CACNA1G: variants seen among roughly 807,000 people sequenced by gnomAD.
The protein encoded by CACNA1G is calcium voltage-gated channel subunit alpha1 G.
Under a neutral mutation model 219.4 loss-of-function variants are expected in CACNA1G, and 67 were observed. The ratio of observed to expected loss-of-function variants is 0.31; its 90% confidence interval spans 0.25 to 0.37. The LOEUF (loss-of-function observed/expected upper bound fraction) is 0.37, where lower values mean the gene tolerates loss of function less well. Ranked by LOEUF, CACNA1G falls within the 10% of genes least tolerant of loss-of-function variation. The pLI, the probability that CACNA1G is intolerant of heterozygous loss-of-function variation, is 1.00. For missense variants in CACNA1G, 2,380 were observed against 3,231.4 expected (o/e 0.74, Z 6.39); for synonymous variants, 1,296 against 1,345.3 (o/e 0.96, Z 0.80).
Position 50,561,513 on chromosome 17 carries a change from C to T in CACNA1G, c.54C>T (p.Ser18=). The T allele has an allele frequency of 6.5e-7, 1 of 1,536,818 alleles. No individual in the cohort carries two copies. The highest frequency in any genetic ancestry group is 8.7e-7 in the Non-Finnish European group (1 of 1,146,518). The part of the protein sequence containing the change: ...AGAEESGQPR[S]FMRLNDLSGA... ...CCGAGGAGTCGGGACAGCCCCGGAG[C>T]TTCATGCGGCTCAACGACCTGTCGG... Residue 18 remains serine, a synonymous_variant, in exon 1 of 38, where the codon AGC becomes AGT. Coordinates refer to ENST00000359106, the MANE Select transcript of CACNA1G (RefSeq NM_018896.5).
intron 8 of CACNA1G, among the ~76,000 whole-genome samples, chr17:50,577,500 T>C (rs2040957278): frequency 6.6e-6 from 1 of 150,552 alleles, no homozygotes; most frequent in Non-Finnish European, 1.5e-5. Context: ...AGTGTGTGTG[T>C]GTGCGTGTGT....
chr17:50,593,504 A>G (rs2044814118), intron 13 of CACNA1G, among the ~76,000 whole-genome samples: 1 of 152,230 alleles, frequency 6.6e-6, no homozygotes, highest in Non-Finnish European at 1.5e-5. Flanking sequence ...CCCTTTCAGC[A>G]AACACCTTGT....
rs957730304 is a variant in CACNA1G at position 50,571,168 on chromosome 17, T to A, written c.587-710T>A. Among the ~76,000 whole-genome samples the A allele has an allele frequency of 1.3e-5, 2 of 152,198 alleles. No homozygotes were observed. Among genetic ancestry groups the A allele is most frequent in the African/African-American group, 4.8e-5 (2 of 41,444 alleles). ...TTGATGGACTTCTGAGAAGACAGTA[T>A]TGTATCTCTTCAGGTCCTGATTTGG... On this transcript the variant is annotated intron_variant, in intron 4 of 37. Transcript: ENST00000359106. This position sits in a 1 kb window ranked among gnomAD's most constrained non-coding sequence, Gnocchi z 4.3.
intron 19 of CACNA1G, among the ~76,000 whole-genome samples, chr17:50,601,930 G>A (rs1240370684): frequency 6.6e-6 from 1 of 152,158 alleles, no homozygotes; most frequent in African/African-American, 2.4e-5. Flanking sequence ...TTTCAGCGCT[G>A]CTGGGGCTTC....
At chr17:50,611,574 G>C (rs1004549939) in intron 26 of CACNA1G, among the ~76,000 whole-genome samples, 1 of 152,234 alleles carries the variant, frequency 6.6e-6, no homozygotes, top group African/African-American at 2.4e-5. Flanking sequence ...TGGCTGGTTT[G>C]TGTCTGGATT....
chr17:50,578,270 C>T lies in CACNA1G; in HGVS notation c.2007C>T (p.Tyr669=), dbSNP rs965298813. The change falls in exon 9 of 38, where the codon TAC becomes TAT. Residue 669 remains tyrosine (Y), a synonymous_variant. Coordinates refer to ENST00000359106, the MANE Select transcript of CACNA1G (RefSeq NM_018896.5). This position sits in a 1 kb window ranked among gnomAD's most constrained non-coding sequence, Gnocchi z 4.5. ...SGACGPDSCP[Y]CARAGAGEVE... Reference sequence around the variant, plus strand: ...CCTGTGGTCCAGACAGCTGCCCCTACTGTGCCCGGGCCGGGGCAGGGGAGG... The same window carrying T: ...CCTGTGGTCCAGACAGCTGCCCCTATTGTGCCCGGGCCGGGGCAGGGGAGG... 1 of 1,612,918 alleles carries T rather than the reference C, an allele frequency of 6.2e-7. No homozygotes were observed. The highest frequency in any genetic ancestry group is 8.5e-7 in the Non-Finnish European group (1 of 1,179,732).
intron 10 of CACNA1G, among the ~76,000 whole-genome samples, chr17:50,591,071 G>A (rs903776432): frequency 2.0e-5 from 3 of 152,206 alleles, no homozygotes; most frequent in Non-Finnish European, 2.9e-5. Flanking sequence ...CTCCGTCCCC[G>A]CAAGGCCTGG....
rs577623916 is a variant in CACNA1G at position 50,596,635 on chromosome 17, A to C, written c.3053A>C (p.Lys1018Thr). ...PSLDGDGDRK[K>T]CLALVSLGEH... is the part of the protein sequence containing the mutation. ...CTGGATGGTGATGGGGACAGGAAGA[A>C]GTGCTTGGCCTGTGAGTACCTATCC... Residue 1018 changes from lysine (K) to threonine (T), a missense_variant, in exon 15 of 38, where the codon AAG becomes ACG. Physicochemically the swap from Lys to Thr is moderately conservative, Grantham distance 78 (BLOSUM62 -1). This residue lies in a region of CACNA1G where 418 missense variants were observed against 434.3 expected (regional missense o/e 0.96). Coordinates refer to ENST00000359106, the MANE Select transcript of CACNA1G (RefSeq NM_018896.5). The surrounding 1 kb of genome is among the most constrained non-coding windows in gnomAD (Gnocchi z 4.8). The C allele has an allele frequency of 2.0e-5, 33 of 1,613,822 alleles. No individual in the cohort carries two copies. The highest frequency in any genetic ancestry group is 2.6e-5 in the Non-Finnish European group (31 of 1,179,852).
intron 23 of CACNA1G, chr17:50,606,326 G>T: frequency 1.5e-6 from 1 of 654,472 alleles, no homozygotes; most frequent in Non-Finnish European, 2.8e-6. Context: ...ACGTGGCAGT[G>T]GGGGCAGGCA....
At chr17:50,569,582 G>T in intron 3 of CACNA1G, 124 bp from the exon 4 acceptor site, 1 of 727,224 alleles carries the variant, frequency 1.4e-6, no homozygotes, top group Non-Finnish European at 2.3e-6. Flanking sequence ...AGGGTCCCTT[G>T]GTGAAGAAGA....
rs376070054 is a variant in CACNA1G, at chr17:50,619,728, C to T, written c.5827C>T (p.Leu1943=). ...DTISLLIQGS[L]EWELKLMDEL... ...CATATCCCTGCTGATCCAGGGCTCC[C>T]TGGAGTGGGAGCTGAAGCTGATGGA... Residue 1943 remains leucine, a synonymous_variant, in exon 34 of 38, where the codon CTG becomes TTG. Transcript: ENST00000359106. 1 of 1,610,694 alleles carries T rather than the reference C, an allele frequency of 6.2e-7. No homozygotes were observed.
In CACNA1G at chr17:50,621,610, G is replaced by A. The variant is rs377067159; in HGVS notation, c.5926-50G>A. 53 of 1,601,602 alleles carry A rather than the reference G, an allele frequency of 3.3e-5. No homozygotes were observed. The highest frequency in any genetic ancestry group is 1.1e-4 in the East Asian group (5 of 44,626). On this transcript the variant is annotated intron_variant, in intron 34 of 37. Transcript: ENST00000359106. The surrounding 1 kb of genome is among the most constrained non-coding windows in gnomAD (Gnocchi z 4.6). Reference sequence around the variant, plus strand: ...AGCGCGTGTGTGCGTGTGCACGCGCGTGTGCGCTGTCCTGGTTTCTCATGC... The same window carrying A: ...AGCGCGTGTGTGCGTGTGCACGCGCATGTGCGCTGTCCTGGTTTCTCATGC...
In CACNA1G at chr17:50,626,530, A is replaced by C. The variant is rs778995997; in HGVS notation, c.6913A>C (p.Lys2305Gln). ...GGGGCCTGGGAGCCGGCCCAAGAAA[A>C]AACTCAGCCCGCCTAGTATCACCAT... is the stretch of plus-strand genomic sequence containing the variant. The part of the protein sequence containing the change: ...LGGPGSRPKK[K>Q]LSPPSITIDP... The change falls in exon 38 of 38, where the codon AAA (lysine) becomes CAA (glutamine). Residue 2305 changes from lysine to glutamine, a missense_variant. Lys to Gln is a moderately conservative substitution (Grantham distance 53, BLOSUM62 1). This residue lies in a region of CACNA1G where 672 missense variants were observed against 670.5 expected (regional missense o/e 1.00). Transcript: ENST00000359106. This position sits in a 1 kb window ranked among gnomAD's most constrained non-coding sequence, Gnocchi z 4.3. 6 of 1,573,576 alleles carry C rather than the reference A, an allele frequency of 3.8e-6. No homozygotes were observed. Among genetic ancestry groups the C allele is most frequent in the Non-Finnish European group, 4.3e-6 (5 of 1,161,748 alleles).
At chr17:50,575,417 T>C (rs1274332974) in intron 7 of CACNA1G, 126 bp from the exon 8 acceptor site, 2 of 981,994 alleles carry the variant, frequency 2.0e-6, no homozygotes, top group Non-Finnish European at 3.0e-6. Context: ...AAAAATAAAA[T>C]GAGATAATGC....
At chr17:50,625,434 T>C (rs1310922081) in intron 37 of CACNA1G, among the ~76,000 whole-genome samples, 1 of 152,218 alleles carries the variant, frequency 6.6e-6, no homozygotes, top group African/African-American at 2.4e-5. Flanking sequence ...CCCTGCCCCC[T>C]GAAGCTCACA....
chr17:50,593,764 T>C (rs888986110), intron 13 of CACNA1G, among the ~76,000 whole-genome samples: 5 of 151,922 alleles, frequency 3.3e-5, no homozygotes, highest in African/African-American at 9.7e-5. Flanking sequence ...AGGCCTGGGG[T>C]GGGATGGAGA....
intron 1 of CACNA1G, among the ~76,000 whole-genome samples, chr17:50,566,057 A>C (rs917424381): frequency 6.6e-6 from 1 of 152,056 alleles, no homozygotes; most frequent in Non-Finnish European, 1.5e-5. Flanking sequence ...TACCATGGGG[A>C]TCTGTCACAT....
At chr17:50,589,908 C>CTGTGTG (rs2043876777) in intron 9 of CACNA1G, among the ~76,000 whole-genome samples, 1 of 148,100 alleles carries the variant, frequency 6.8e-6, no homozygotes. Context: ...CTCTCTCTCT[C>CTGTGTG]TCTCTGTGTG....
rs770612490 is a variant in CACNA1G, at chr17:50,605,859, A to G, written c.4297-39A>G. Reference sequence around the variant, plus strand: ...CAGGAGTCCTGGGCTTCCTGTGGTCACAGCTCACTTTTCTCTGTCTCTGGG... The same window carrying G: ...CAGGAGTCCTGGGCTTCCTGTGGTCGCAGCTCACTTTTCTCTGTCTCTGGG... On this transcript the variant is annotated intron_variant, in intron 22 of 37. Coordinates refer to ENST00000359106, the MANE Select transcript of CACNA1G (RefSeq NM_018896.5). The G allele has an allele frequency of 4.3e-6, 7 of 1,611,522 alleles. No homozygotes were observed. The Admixed American group carries it at 1.0e-4, about 23-fold the overall frequency.
Sources: gnomAD v4.1 joint callset for allele counts (sites outside exome capture counted in the v4.1 genomes callset) on GRCh38, gnomAD v4.1.1 for gene constraint, gnomAD v4.1.1 regional missense constraint, Gnocchi (gnomAD v3.1) non-coding constraint, MANE v1.5 for transcripts, NCBI Gene and HGNC (gene_info 2026-07-23, HGNC 2026-07-21) for gene names.